CCSER1: variants seen among roughly 807,000 people sequenced by gnomAD.
CCSER1 encodes the protein serine-rich coiled-coil domain-containing protein 1.
Under a neutral mutation model 82.0 loss-of-function variants are expected in CCSER1, and 41 were observed. The observed-to-expected ratio is 0.50, with a 90% CI of 0.39 to 0.65. The LOEUF (loss-of-function observed/expected upper bound fraction) is 0.65, where lower values mean the gene tolerates loss of function less well. CCSER1 is among the 30% of genes least tolerant of loss of function. The pLI is 0.00. For missense variants in CCSER1, 1,119 were observed against 1,064.2 expected (o/e 1.05, Z -0.72); for synonymous variants, 414 against 383.9 (o/e 1.08, Z -0.92).
chr4:90,767,245 A>G (rs1488359882), intron 7 of CCSER1, among the ~76,000 whole-genome samples: 3 of 152,210 alleles, frequency 2.0e-5, no homozygotes, highest in Non-Finnish European at 4.4e-5. Context: ...GGTAAAATAA[A>G]GAATTTAGCA....
intron 5 of CCSER1, among the ~76,000 whole-genome samples, chr4:90,474,993 A>G (rs991339899): frequency 6.6e-6 from 1 of 152,146 alleles, no homozygotes; most frequent in African/African-American, 2.4e-5. Flanking sequence ...ATGGAGAGTC[A>G]TGATATTCTT....
chr4:91,004,132 G>A lies in CCSER1; in HGVS notation c.2172+80685G>A, dbSNP rs72884761. Among the ~76,000 whole-genome samples, 741 of 152,224 alleles carry A rather than the reference G, an allele frequency of 4.9e-3. 6 individuals are homozygous for A. Among genetic ancestry groups the A allele is most frequent in the African/African-American group, 0.016 (678 of 41,542 alleles). ...CTTCGGAGAGTCTGTGGGTTATCTCGGCTCTTCTGGTTTATTCCTGCCGAG... is the reference window on the plus strand; with the variant it reads ...CTTCGGAGAGTCTGTGGGTTATCTCAGCTCTTCTGGTTTATTCCTGCCGAG... On this transcript the variant is annotated intron_variant, in intron 9 of 10. Transcript: ENST00000509176.
chr4:91,422,571 C>T (rs1476169777), intron 10 of CCSER1, among the ~76,000 whole-genome samples: 1 of 152,100 alleles, frequency 6.6e-6, no homozygotes, highest in Non-Finnish European at 1.5e-5. Flanking sequence ...ATGAAATACT[C>T]ATTGTTTGAT....
chr4:90,597,940 G>A lies in CCSER1; in HGVS notation c.1725-30085G>A, dbSNP rs115060831. ...TTTCACTTAACGTAATGTCTTTCCA[G>A]TCCATCCATGTTGTGTCAAATGGCA... On this transcript the variant is annotated intron_variant, in intron 5 of 10. Coordinates refer to ENST00000509176, the MANE Select transcript of CCSER1 (RefSeq NM_001145065.2). Among the ~76,000 whole-genome samples the A allele has an allele frequency of 9.3e-3, 1,405 of 151,756 alleles. 20 individuals are homozygous for A. Among genetic ancestry groups the A allele is most frequent in the African/African-American group, 0.032 (1,340 of 41,410 alleles).
At chr4:91,520,925 T>G (rs1337185757) in intron 10 of CCSER1, among the ~76,000 whole-genome samples, 3 of 152,194 alleles carry the variant, frequency 2.0e-5, no homozygotes, top group South Asian at 4.1e-4. Context: ...CGAGGGTACA[T>G]GTGCACAATG....
At chr4:90,622,711 G>A (rs1421261944) in intron 5 of CCSER1, among the ~76,000 whole-genome samples, 1 of 151,982 alleles carries the variant, frequency 6.6e-6, no homozygotes, top group Non-Finnish European at 1.5e-5. Flanking sequence ...ATTGTGAATA[G>A]TGCCACAATA....
At chr4:90,538,403 T>C (rs2153634563) in intron 5 of CCSER1, among the ~76,000 whole-genome samples, 1 of 152,264 alleles carries the variant, frequency 6.6e-6, no homozygotes, top group East Asian at 1.9e-4. Flanking sequence ...TTCTTTCTCT[T>C]TTTTCTTATT....
At chr4:91,550,324 A>G (rs775425845) in intron 10 of CCSER1, among the ~76,000 whole-genome samples, 3 of 152,146 alleles carry the variant, frequency 2.0e-5, no homozygotes, top group Non-Finnish European at 4.4e-5. Flanking sequence ...ATGCCCCATG[A>G]CTGGTCCCCT....
At chr4:90,401,288 T>G (rs1459845457) in intron 4 of CCSER1, among the ~76,000 whole-genome samples, 1 of 152,186 alleles carries the variant, frequency 6.6e-6, no homozygotes, top group Non-Finnish European at 1.5e-5. Context: ...CAGATGGTTT[T>G]TACAACTTAG....
intron 10 of CCSER1, among the ~76,000 whole-genome samples, chr4:91,478,137 C>CA (rs897045365): frequency 2.6e-5 from 4 of 151,654 alleles, no homozygotes; most frequent in African/African-American, 9.7e-5. Flanking sequence ...AAAAGTCTTT[C>CA]AAAAAAATCT....
intron 9 of CCSER1, among the ~76,000 whole-genome samples, chr4:90,960,849 G>A (rs1246323725): frequency 5.9e-5 from 9 of 152,160 alleles, no homozygotes; most frequent in Admixed American, 2.0e-4. Context: ...CTTAATATAT[G>A]TTAAGACACT....
chr4:91,404,672 C>T (rs1752572288), intron 10 of CCSER1, among the ~76,000 whole-genome samples: 2 of 152,268 alleles, frequency 1.3e-5, no homozygotes, highest in South Asian at 4.1e-4. Flanking sequence ...CATTCAGGAG[C>T]AGGTTGTTCA....
At chr4:90,760,938 A>G (rs144632462) in intron 7 of CCSER1, among the ~76,000 whole-genome samples, 2,032 of 152,258 alleles carry the variant, frequency 0.013, 52 homozygotes, top group African/African-American at 0.046. Context: ...AGAGTAAGTT[A>G]TACTTAATCT....
intron 8 of CCSER1, among the ~76,000 whole-genome samples, chr4:90,889,511 A>C (rs1009109855): frequency 2.0e-5 from 3 of 152,174 alleles, no homozygotes; most frequent in Non-Finnish European, 4.4e-5. Context: ...AATACTATAC[A>C]CAAAAACAGG....
chr4:91,388,167 C>T (rs1004916263), intron 10 of CCSER1, among the ~76,000 whole-genome samples: 2 of 152,038 alleles, frequency 1.3e-5, no homozygotes, highest in African/African-American at 4.8e-5. Flanking sequence ...AGGCATGAAT[C>T]ACCACACCCA....
At chr4:91,363,778 ATATT>A (rs1385995293) in intron 10 of CCSER1, among the ~76,000 whole-genome samples, 1 of 151,700 alleles carries the variant, frequency 6.6e-6, no homozygotes, top group African/African-American at 2.4e-5. Flanking sequence ...TCTTATTACT[ATATT>A]TATTTCTGTA....
intron 10 of CCSER1, among the ~76,000 whole-genome samples, chr4:91,484,072 AG>A (rs1294049146): frequency 6.8e-5 from 10 of 147,382 alleles, no homozygotes; most frequent in Non-Finnish European, 3.0e-5. Flanking sequence ...AAAAAAAAAA[AG>A]CAAAGCAAAA....
At chr4:91,559,637 CCA>C (rs1394087102) in intron 10 of CCSER1, among the ~76,000 whole-genome samples, 1 of 151,214 alleles carries the variant, frequency 6.6e-6, no homozygotes, top group Non-Finnish European at 1.5e-5. Context: ...AAATCAAACT[CCA>C]GTTATTCCCA....
intron 5 of CCSER1, among the ~76,000 whole-genome samples, chr4:90,475,111 A>T (rs1006588249): frequency 1.3e-5 from 2 of 152,250 alleles, no homozygotes; most frequent in East Asian, 3.9e-4. Flanking sequence ...ATTGTCATTG[A>T]TTTTCACTGA....
Sources: gnomAD v4.1 joint callset for allele counts (sites outside exome capture counted in the v4.1 genomes callset) on GRCh38, gnomAD v4.1.1 for gene constraint, MANE v1.5 for transcripts, NCBI Gene and HGNC (gene_info 2026-07-23, HGNC 2026-07-21) for gene names.